The following HGD variants were observed in gnomAD, a reference collection of about 807,000 sequenced individuals.
HGD encodes the protein homogentisate 1,2-dioxygenase, also known as homogentisate oxidase.
In HGD, 61 loss-of-function variants were observed where a neutral mutation model predicts 60.8. The observed-to-expected ratio is 1.00, with a 90% CI of 0.82 to 1.24. The LOEUF (loss-of-function observed/expected upper bound fraction) is 1.24. Ranked by LOEUF, HGD falls within the 50% of genes most tolerant of loss-of-function variation. The probability of loss-of-function intolerance (pLI) is 0.00; values close to 1 mark genes in which losing one functional copy is unlikely to be tolerated. For missense variants in HGD, 542 were observed against 547.1 expected (o/e 0.99, Z 0.09); for synonymous variants, 212 against 187.7 (o/e 1.13, Z -1.06).
chr3:120,644,159 G>C (rs2107506608), intron 10 of HGD, among the ~76,000 whole-genome samples, 160 bp downstream of exon 10: 1 of 152,328 alleles, frequency 6.6e-6, no homozygotes, highest in Non-Finnish European at 1.5e-5. Flanking sequence ...GACTATGAAA[G>C]TATAATTGAC....
chr3:120,642,393 G>C (rs1941013538), intron 10 of HGD, among the ~76,000 whole-genome samples: 1 of 152,192 alleles, frequency 6.6e-6, no homozygotes, highest in African/African-American at 2.4e-5. Flanking sequence ...GCAATAGCGG[G>C]AAGACACTGC....
intron 4 of HGD, among the ~76,000 whole-genome samples, chr3:120,664,168 A>G (rs148809571): frequency 3.9e-4 from 59 of 152,212 alleles, no homozygotes; most frequent in African/African-American, 1.4e-3. Flanking sequence ...CTAGAGGCAG[A>G]ATGTACAGGG....
At position 120,658,520 on chromosome 3, in the gene HGD, A is replaced by G. The variant is rs145107470; in HGVS notation, c.283-5869T>C. On this transcript the variant is annotated intron_variant, in intron 4 of 13. Coordinates refer to ENST00000283871, the MANE Select transcript of HGD (RefSeq NM_000187.4). ...GGATTCAGCACCTGCGGCTGCTCTC[A>G]TGGGCTGCCATTGAGTGCCTGTGGC... Among the ~76,000 whole-genome samples the G allele has an allele frequency of 1.4e-4, 22 of 152,318 alleles. 1 individual carries two copies. The East Asian group carries it at 4.3e-3, about 29-fold the overall frequency.
At chr3:120,633,584 G>C (rs1940660456) in intron 12 of HGD, 1 of 1,426,550 alleles carries the variant, frequency 7.0e-7, no homozygotes, top group Admixed American at 2.1e-5. Flanking sequence ...CAGGAATCAG[G>C]CTAGATCTAA....
intron 12 of HGD, among the ~76,000 whole-genome samples, chr3:120,634,703 T>G (rs575110988): frequency 6.6e-6 from 1 of 152,238 alleles, no homozygotes; most frequent in Non-Finnish European, 1.5e-5. Flanking sequence ...CGTTACAAAA[T>G]CAAACACTGG....
intron 6 of HGD, among the ~76,000 whole-genome samples, chr3:120,649,920 T>C (rs1176408368): frequency 6.6e-6 from 1 of 151,910 alleles, no homozygotes; most frequent in African/African-American, 2.4e-5. Context: ...AGTACACCAA[T>C]CCACCACCCA....
intron 6 of HGD, 32 bp from the exon 7 acceptor site, chr3:120,647,943 C>T (rs1169172877): frequency 6.5e-7 from 1 of 1,539,288 alleles, no homozygotes; most frequent in East Asian, 2.2e-5. Flanking sequence ...TTGTGATTTT[C>T]AGTTTTAACA....
intron 11 of HGD, among the ~76,000 whole-genome samples, chr3:120,638,847 T>G (rs1279308912): frequency 1.3e-5 from 2 of 152,116 alleles, no homozygotes; most frequent in African/African-American, 4.8e-5. Context: ...GCTTCCATAA[T>G]CCCCACATGT....
intron 2 of HGD, among the ~76,000 whole-genome samples, chr3:120,675,406 C>T (rs531692601): frequency 1.3e-5 from 2 of 151,196 alleles, no homozygotes; most frequent in Admixed American, 1.3e-4. Flanking sequence ...ATTTTTGTTT[C>T]CCGTGTTGTT....
At chr3:120,658,131 C>T (rs1306025510) in intron 4 of HGD, among the ~76,000 whole-genome samples, 1 of 152,160 alleles carries the variant, frequency 6.6e-6, no homozygotes, top group African/African-American at 2.4e-5. Flanking sequence ...AAAATATAAC[C>T]ATGCCTTCCC....
chr3:120,640,949 C>T (rs762264997), intron 11 of HGD, among the ~76,000 whole-genome samples: 11 of 152,104 alleles, frequency 7.2e-5, no homozygotes, highest in South Asian at 2.1e-4. Flanking sequence ...AACTTCCCCC[C>T]GGGGTCTCAG....
intron 1 of HGD, among the ~76,000 whole-genome samples, chr3:120,680,987 A>G (rs1708220946): frequency 6.6e-6 from 1 of 152,228 alleles, no homozygotes; most frequent in African/African-American, 2.4e-5. Flanking sequence ...CTAGCACAAA[A>G]TATTTGCTGA....
At chr3:120,634,512 T>C (rs1940696540) in intron 12 of HGD, among the ~76,000 whole-genome samples, 1 of 152,026 alleles carries the variant, frequency 6.6e-6, no homozygotes, top group African/African-American at 2.4e-5. Context: ...CACATATAAT[T>C]AGATATGTGC....
At chr3:120,665,124 G>GTT (rs1247910473) in intron 4 of HGD, among the ~76,000 whole-genome samples, 8 of 152,170 alleles carry the variant, frequency 5.3e-5, no homozygotes, top group Non-Finnish European at 5.9e-5. Flanking sequence ...GGGATTTCAG[G>GTT]ATGGCAAAAC....
At chr3:120,650,249 TG>T (rs1282354665) in intron 6 of HGD, among the ~76,000 whole-genome samples, 7 of 152,334 alleles carry the variant, frequency 4.6e-5, no homozygotes, top group South Asian at 4.1e-4. Flanking sequence ...ACTTTTCTAC[TG>T]AGATAAAAAC....
chr3:120,635,549 C>A (rs1576286730), intron 12 of HGD, among the ~76,000 whole-genome samples: 2 of 147,786 alleles, frequency 1.4e-5, no homozygotes, highest in South Asian at 2.2e-4. Flanking sequence ...GGCAATATTT[C>A]TATAGAAATA....
At chr3:120,646,628 G>A (rs1270795807) in intron 8 of HGD, among the ~76,000 whole-genome samples, 1 of 151,206 alleles carries the variant, frequency 6.6e-6, no homozygotes, top group Admixed American at 6.6e-5. Flanking sequence ...TGGGTCCAGA[G>A]ATAATGGTAA....
chr3:120,651,000 T>C (rs1941326508), intron 5 of HGD, 135 bp from the exon 6 acceptor site: 1 of 774,156 alleles, frequency 1.3e-6, no homozygotes, highest in Non-Finnish European at 2.3e-6. Flanking sequence ...ACGTTTGGAA[T>C]CCAGGCAGCC....
intron 4 of HGD, among the ~76,000 whole-genome samples, chr3:120,664,504 C>T (rs2107539313): frequency 6.8e-6 from 1 of 147,334 alleles, no homozygotes; most frequent in African/African-American, 2.5e-5. Flanking sequence ...CAGGGCTCAC[C>T]ACAGCCCTGA....
Sources: gnomAD v4.1 joint callset for allele counts (sites outside exome capture counted in the v4.1 genomes callset) on GRCh38, gnomAD v4.1.1 for gene constraint, MANE v1.5 for transcripts, NCBI Gene and HGNC (gene_info 2026-07-23, HGNC 2026-07-21) for gene names.